Variants in GRAMD1C observed in about 807,000 individuals in gnomAD.
GRAMD1C encodes protein Aster-C.
GRAMD1C carries 89 observed loss-of-function variants against 97.8 expected under a neutral mutation model. The ratio of observed to expected loss-of-function variants is 0.91; its 90% CI spans 0.77 to 1.09. The LOEUF is 1.09. GRAMD1C is among the 50% of genes least tolerant of loss of function. GRAMD1C has a pLI of 0.00. For synonymous variants in GRAMD1C, 256 were observed against 267.0 expected (o/e 0.96, Z 0.40); for missense variants, 740 against 766.4 (o/e 0.97, Z 0.41).
At chr3:113,862,529 C>G (rs551273999) in intron 2 of GRAMD1C, among the ~76,000 whole-genome samples, 2 of 152,188 alleles carry the variant, frequency 1.3e-5, no homozygotes, top group East Asian at 3.9e-4. Flanking sequence ...TTCAAGGCGC[C>G]CAGATTTCAT....
intron 1 of GRAMD1C, among the ~76,000 whole-genome samples, chr3:113,828,992 A>G (rs1233353654): frequency 6.6e-6 from 1 of 152,120 alleles, no homozygotes; most frequent in Non-Finnish European, 1.5e-5. Context: ...TCACACTTTC[A>G]TTGGCCTTGA....
At chr3:113,892,510 T>C (rs1935773527) in intron 6 of GRAMD1C, among the ~76,000 whole-genome samples, 1 of 152,086 alleles carries the variant, frequency 6.6e-6, no homozygotes, top group African/African-American at 2.4e-5. Flanking sequence ...AAAACTACTT[T>C]GGTACATTGC....
At chr3:113,925,621 G>T (rs1340471644) in intron 10 of GRAMD1C, among the ~76,000 whole-genome samples, 1 of 152,182 alleles carries the variant, frequency 6.6e-6, no homozygotes, top group Non-Finnish European at 1.5e-5. Context: ...TCTTGTCATT[G>T]TGTTGTTAGC....
chr3:113,868,433 CCCT>C (rs1286678708), intron 2 of GRAMD1C, among the ~76,000 whole-genome samples: 3 of 152,094 alleles, frequency 2.0e-5, no homozygotes, highest in African/African-American at 7.2e-5. Context: ...TGATTGCATT[CCCT>C]CCTGTCCCAT....
Position 113,909,125 on chromosome 3 carries a change from A to G in GRAMD1C, c.952+5A>G, listed in dbSNP as rs775218737. On this transcript the variant is annotated splice_donor_5th_base_variant and intron_variant, in intron 9 of 17. Coordinates refer to ENST00000358160, the MANE Select transcript of GRAMD1C (RefSeq NM_017577.5). ...CTTCAGATTCTGTTGATGAAGGTAA[A>G]TAATTTCTTATAAATTTTATTAAAT... 1.1e-5 allele frequency: 15 copies of G among 1,381,756 alleles called. No individual in the cohort carries two copies. The South Asian group carries it at 1.8e-4, about 17-fold the overall frequency. 85.6% of individuals were successfully genotyped at this position (1,381,756 alleles called of 1,614,324 possible). A position where few individuals can be genotyped will look rare whatever the true frequency, so the allele number is the denominator to read the frequency against.
intron 14 of GRAMD1C, 151 bp from the exon 15 acceptor site, chr3:113,937,935 G>A: frequency 3.9e-6 from 2 of 510,146 alleles, no homozygotes; most frequent in Admixed American, 4.2e-5. Flanking sequence ...AACCTGGGAG[G>A]CAGAGGTTGC....
chr3:113,909,181 T>A, intron 9 of GRAMD1C, 61 bp downstream of exon 9: 1 of 803,416 alleles, frequency 1.2e-6, no homozygotes, highest in Non-Finnish European at 1.9e-6. Flanking sequence ...TTTATCTTTG[T>A]AATAGGGGTG....
intron 6 of GRAMD1C, among the ~76,000 whole-genome samples, chr3:113,888,909 A>G (rs1044042768): frequency 1.3e-5 from 2 of 152,250 alleles, no homozygotes; most frequent in African/African-American, 4.8e-5. Context: ...TAATGTATAA[A>G]TAAAATGTAT....
At chr3:113,909,415 C>T (rs546246012) in intron 9 of GRAMD1C, among the ~76,000 whole-genome samples, 3 of 152,284 alleles carry the variant, frequency 2.0e-5, no homozygotes, top group South Asian at 4.2e-4. Flanking sequence ...GTGATATGCT[C>T]ACACGTCATA....
intron 5 of GRAMD1C, among the ~76,000 whole-genome samples, chr3:113,878,538 A>G (rs1440849642): frequency 6.6e-6 from 1 of 152,214 alleles, no homozygotes; most frequent in Non-Finnish European, 1.5e-5. Context: ...TGCATAATGC[A>G]TACACATATA....
chr3:113,894,770 C>G (rs1935868230), intron 6 of GRAMD1C, among the ~76,000 whole-genome samples: 1 of 152,140 alleles, frequency 6.6e-6, no homozygotes, highest in African/African-American at 2.4e-5. Context: ...GTCTTTTCAT[C>G]TTATTCCCAA....
intron 2 of GRAMD1C, among the ~76,000 whole-genome samples, chr3:113,849,734 T>G (rs1577122436): frequency 6.6e-6 from 1 of 152,198 alleles, no homozygotes; most frequent in South Asian, 2.1e-4. Flanking sequence ...CTCAATCTTT[T>G]CCCCACCTTT....
chr3:113,859,239 T>TA (rs1191265211), intron 2 of GRAMD1C, among the ~76,000 whole-genome samples: 2 of 152,210 alleles, frequency 1.3e-5, no homozygotes, highest in Non-Finnish European at 2.9e-5. Flanking sequence ...CATCTTTAGC[T>TA]GTGTCCCACA....
rs151117004 is a variant in GRAMD1C at position 113,919,086 on chromosome 3, C to G, written c.1090+3248C>G. 863 of 164,422 alleles carry G rather than the reference C, an allele frequency of 5.2e-3. 10 individuals are homozygous for G. The highest frequency in any genetic ancestry group is 0.019 in the African/African-American group (802 of 41,612). 10.2% of individuals were successfully genotyped at this position (164,422 alleles called of 1,614,324 possible). ...ATAATCAATTATTTGTGGATTAAAT[C>G]TAATTCCAGCACTCAAATGACTACC... is the stretch of plus-strand genomic sequence containing the variant. On this transcript the variant is annotated intron_variant, in intron 10 of 17. Coordinates refer to ENST00000358160, the MANE Select transcript of GRAMD1C (RefSeq NM_017577.5).
intron 3 of GRAMD1C, among the ~76,000 whole-genome samples, chr3:113,872,851 C>T (rs1176782332): frequency 6.7e-6 from 1 of 148,382 alleles, no homozygotes; most frequent in East Asian, 2.0e-4. Flanking sequence ...GCGGGCAGAT[C>T]GCTTGAGGCC....
chr3:113,913,126 A>G (rs750809685), intron 9 of GRAMD1C: 518 of 1,283,500 alleles, frequency 4.0e-4, no homozygotes, highest in Non-Finnish European at 4.9e-4. Flanking sequence ...TTAGGACTTT[A>G]GGAAGATCTA....
chr3:113,935,219 A>G (rs1937554246), intron 13 of GRAMD1C, among the ~76,000 whole-genome samples: 1 of 152,176 alleles, frequency 6.6e-6, no homozygotes, highest in African/African-American at 2.4e-5. Context: ...AAGATCACAC[A>G]GTTAAGAGCT....
chr3:113,905,542 C>A (rs918489588), intron 8 of GRAMD1C, among the ~76,000 whole-genome samples: 3 of 152,094 alleles, frequency 2.0e-5, no homozygotes, highest in Non-Finnish European at 2.9e-5. Context: ...AATTACTTAA[C>A]CTTTTCTTTT....
At chr3:113,836,766 C>T (rs1709637721), upstream of GRAMD1C, among the ~76,000 whole-genome samples, 1 of 151,992 alleles carries the variant, frequency 6.6e-6, no homozygotes, top group Non-Finnish European at 1.5e-5. Flanking sequence ...GCCTCAGCCT[C>T]CCAAGTAGCT....
Sources: allele counts gnomAD v4.1 joint callset (sites outside exome capture counted in the v4.1 genomes callset), GRCh38; gene constraint gnomAD v4.1.1; transcripts MANE v1.5; gene names NCBI Gene and HGNC (gene_info 2026-07-23, HGNC 2026-07-21).